The following HSPA4 variants were observed in gnomAD, a reference collection of about 807,000 sequenced individuals.
The protein encoded by HSPA4 is heat shock 70 kDa protein 4.
A neutral mutation model predicts 106.2 loss-of-function variants in HSPA4; 25 were observed. That is an observed-to-expected ratio of 0.24 (90% confidence interval 0.17 to 0.33). HSPA4 has a LOEUF of 0.33. Ranked by LOEUF, HSPA4 falls within the 10% of genes least tolerant of loss-of-function variation. HSPA4 has a pLI of 1.00. For synonymous variants in HSPA4, 332 were observed against 333.6 expected, an observed-to-expected ratio of 1.00 and a Z score of 0.05; for missense variants, 841 against 996.0, an observed-to-expected ratio of 0.84 and a Z score of 2.10.
chr5:133,088,666 A>G, intron 9 of HSPA4, 111 bp downstream of exon 9: 1 of 848,098 alleles, frequency 1.2e-6, no homozygotes, highest in Non-Finnish European at 1.9e-6. Context: ...CAGGGTGTTG[A>G]GATTCCAAAA....
At chr5:133,103,728 G>T in intron 17 of HSPA4, 137 bp from the exon 18 acceptor site, 1 of 674,500 alleles carries the variant, frequency 1.5e-6, no homozygotes, top group Non-Finnish European at 2.5e-6. Context: ...GAATAATTCT[G>T]TTCAGATTGT....
chr5:133,089,716 TA>T, intron 11 of HSPA4, 21 bp downstream of exon 11: 2 of 1,381,966 alleles, frequency 1.4e-6, no homozygotes, highest in Non-Finnish European at 1.9e-6. Context: ...AGTTGGAAAT[TA>T]AAAAAGAAAA....
At chr5:133,067,645 A>G in intron 3 of HSPA4, 88 bp downstream of exon 3, 1 of 1,180,498 alleles carries the variant, frequency 8.5e-7, no homozygotes, top group Non-Finnish European at 1.2e-6. Context: ...CTGATGTCAG[A>G]TTGCAATGAA....
In HSPA4 at chr5:133,067,463, A is replaced by G. The variant is rs750780513; in HGVS notation, c.212A>G (p.His71Arg). The G allele has an allele frequency of 2.5e-6, 4 of 1,613,496 alleles. No homozygotes were observed. The highest frequency in any genetic ancestry group is 2.5e-6 in the Non-Finnish European group (3 of 1,179,360). ...KNTVQGFKRF[H>R]GRAFSDPFVE... ...ACAGTCCAAGGATTTAAAAGATTCC[A>G]TGGCCGAGCATTCTCTGATCCATTT... Residue 71 changes from histidine (H) to arginine (R), a missense_variant, in exon 3 of 19, where the codon CAT (histidine) becomes CGT (arginine). Around this residue, in one of 5 missense-constraint regions of HSPA4, gnomAD observed 347 missense variants for 408.7 expected, o/e 0.85. Coordinates refer to ENST00000304858, the MANE Select transcript of HSPA4 (RefSeq NM_002154.4).
chr5:133,059,464 TTAGC>T (rs1180136901), intron 1 of HSPA4, among the ~76,000 whole-genome samples: 4 of 135,648 alleles, frequency 2.9e-5, no homozygotes, highest in Non-Finnish European at 4.9e-5. Flanking sequence ...AAAAAAAAAA[TTAGC>T]TAGGCATGGT....
intron 1 of HSPA4, among the ~76,000 whole-genome samples, chr5:133,060,369 CT>C (rs879707426): frequency 6.7e-4 from 97 of 144,550 alleles, no homozygotes; most frequent in Non-Finnish European, 5.2e-4. Context: ...TGCTGTTATA[CT>C]TTTTTTTTTT....
intron 7 of HSPA4, among the ~76,000 whole-genome samples, chr5:133,085,489 T>TAAATAAAAAAAAAAAAAAA (rs1765566140): frequency 9.1e-6 from 1 of 110,288 alleles, no homozygotes; most frequent in Non-Finnish European, 1.7e-5. Context: ...CCATCTCTAC[T>TAAATAAAAAAAAAAAAAAA]AAAAAAAAAA....
intron 14 of HSPA4, 64 bp from the exon 15 acceptor site, chr5:133,097,097 T>C (rs1765721881): frequency 2.3e-6 from 3 of 1,300,110 alleles, no homozygotes; most frequent in Non-Finnish European, 3.3e-6. Context: ...TTTATAATTA[T>C]ATTGGTATTT....
chr5:133,098,222 T>G (rs981807524), intron 15 of HSPA4, among the ~76,000 whole-genome samples: 14 of 152,344 alleles, frequency 9.2e-5, no homozygotes, highest in African/African-American at 3.4e-4. Context: ...TCCATCCAGT[T>G]GCTGCAAAAG....
chr5:133,053,141 C>A (rs1765104336), intron 1 of HSPA4, among the ~76,000 whole-genome samples: 1 of 152,158 alleles, frequency 6.6e-6, no homozygotes, highest in African/African-American at 2.4e-5. Flanking sequence ...GCCTTGACTT[C>A]TAGAACCCAT....
chr5:133,079,027 C>T (rs1765482530), intron 7 of HSPA4, among the ~76,000 whole-genome samples: 1 of 152,174 alleles, frequency 6.6e-6, no homozygotes, highest in East Asian at 1.9e-4. Flanking sequence ...AGATACTGTG[C>T]CTGGCCCCCT....
intron 3 of HSPA4, among the ~76,000 whole-genome samples, chr5:133,068,098 T>G (rs1765332113): frequency 2.6e-5 from 4 of 151,972 alleles, no homozygotes; most frequent in Admixed American, 1.3e-4. Context: ...TTCACTGTGT[T>G]GGCCAGGTTG....
At position 133,070,374 on chromosome 5, in the gene HSPA4, G is replaced by T. The variant is rs1765366174; in HGVS notation, c.307G>T (p.Val103Leu). ...AGGCCCCTTTGTTGTTTTCTTGCAGGTGACATATATGGAGGAAGAGCGAAA... is the reference window on the plus strand; with the variant it reads ...AGGCCCCTTTGTTGTTTTCTTGCAGTTGACATATATGGAGGAAGAGCGAAA... Reference protein sequence around the residue: ...QLPTGLTGIKVTYMEEERNFT... With the variant: ...QLPTGLTGIKLTYMEEERNFT... The change falls in exon 4 of 19, where the codon GTG becomes TTG. Residue 103 changes from valine to leucine, a missense_variant and splice_region_variant. This residue lies in a region of HSPA4 where 347 missense variants were observed against 408.7 expected (regional missense o/e 0.85). Coordinates refer to ENST00000304858, the MANE Select transcript of HSPA4 (RefSeq NM_002154.4). The T allele has an allele frequency of 6.2e-7, 1 of 1,608,190 alleles. No homozygotes were observed.
At chr5:133,081,044 A>G (rs1765508417) in intron 7 of HSPA4, among the ~76,000 whole-genome samples, 1 of 151,730 alleles carries the variant, frequency 6.6e-6, no homozygotes, top group South Asian at 2.1e-4. Context: ...GTCTCTATAG[A>G]TTTGCCTGTT....
At chr5:133,095,697 T>C (rs1366217761) in intron 13 of HSPA4, among the ~76,000 whole-genome samples, 2 of 152,302 alleles carry the variant, frequency 1.3e-5, no homozygotes, top group African/African-American at 4.8e-5. Context: ...TGATACGGGA[T>C]TGTAGGAGAT....
intron 13 of HSPA4, among the ~76,000 whole-genome samples, chr5:133,093,587 T>G (rs1765675960): frequency 6.6e-6 from 1 of 151,894 alleles, no homozygotes; most frequent in Non-Finnish European, 1.5e-5. Context: ...GCCTTCCAGG[T>G]TCAAGCGATT....
chr5:133,069,449 C>CCT (rs775477305), intron 3 of HSPA4, among the ~76,000 whole-genome samples: 8 of 152,024 alleles, frequency 5.3e-5, no homozygotes, highest in Non-Finnish European at 1.0e-4. Context: ...TGGGGTTTCA[C>CCT]CATTTTGGTC....
chr5:133,078,743 TA>T lies in HSPA4; in HGVS notation c.908+1846del, dbSNP rs1385441610. Reference sequence around the variant, plus strand: ...CATTTAGTGTGATTATTGTTGTTGTTATTTTTTTGAGACAGGATCTTACTCT... The same window carrying T: ...CATTTAGTGTGATTATTGTTGTTGTTTTTTTTTGAGACAGGATCTTACTCT... On this transcript the variant is annotated intron_variant, in intron 7 of 18. Transcript: ENST00000304858. Among the ~76,000 whole-genome samples, 17 of 152,264 alleles carry T rather than the reference TA, an allele frequency of 1.1e-4. No individual in the cohort carries two copies. The South Asian group carries it at 2.3e-3, about 20-fold the overall frequency.
chr5:133,052,040 G>A lies in HSPA4; in HGVS notation c.-211G>A. 5.7e-6 allele frequency: 3 copies of A among 527,210 alleles called. No individual in the cohort carries two copies. The highest frequency in any genetic ancestry group is 2.4e-5 in the South Asian group (1 of 42,292). The allele number at this position is 527,210 out of a possible 1,614,324, so 32.7% of individuals were successfully genotyped here. On this transcript the variant is annotated 5_prime_UTR_variant, in exon 1 of 19. Coordinates refer to ENST00000304858, the MANE Select transcript of HSPA4 (RefSeq NM_002154.4). ...GATCTTCTCCGCCCCCGCTACCGGC[G>A]CCTCCTCTGCGGCCACTGAGCCGGA...
Sources: gnomAD v4.1 joint callset for allele counts (sites outside exome capture counted in the v4.1 genomes callset) on GRCh38, gnomAD v4.1.1 for gene constraint, gnomAD v4.1.1 regional missense constraint, MANE v1.5 for transcripts, NCBI Gene and HGNC (gene_info 2026-07-23, HGNC 2026-07-21) for gene names.